PCNX3: variants seen among roughly 807,000 people sequenced by gnomAD.
PCNX3 encodes the protein pecanex-like protein 3.
PCNX3 carries 58 observed loss-of-function variants against 207.2 expected under a neutral mutation model. The ratio of observed to expected loss-of-function variants is 0.28; its 90% confidence interval spans 0.23 to 0.35. The LOEUF (loss-of-function observed/expected upper bound fraction) is 0.35. PCNX3 is among the 10% of genes least tolerant of loss of function. The probability of loss-of-function intolerance (pLI) is 1.00; values close to 1 mark genes in which losing one functional copy is unlikely to be tolerated. For missense variants in PCNX3, 2,410 were observed against 2,774.4 expected (o/e 0.87, Z 2.95); for synonymous variants, 1,337 against 1,183.5 (o/e 1.13, Z -2.66).
At chr11:65,629,073 C>A in intron 24 of PCNX3, 125 bp downstream of exon 24, 1 of 1,375,508 alleles carries the variant, frequency 7.3e-7, no homozygotes, top group Non-Finnish European at 9.8e-7. Flanking sequence ...ACAGTGGGGA[C>A]ACATGAGGCG....
intron 20 of PCNX3, chr11:65,626,313 G>C (rs1387857176): frequency 1.5e-6 from 1 of 654,170 alleles, no homozygotes; most frequent in Non-Finnish European, 2.8e-6. Flanking sequence ...GTGAGAAGAC[G>C]GAAGAATTAG....
Position 65,627,031 on chromosome 11 carries a change from G to A in PCNX3, c.3507G>A (p.Pro1169=), listed in dbSNP as rs1033670308. 9.2e-6 allele frequency: 14 copies of A among 1,524,602 alleles called. No homozygotes were observed. The South Asian group carries it at 9.8e-5, about 11-fold the overall frequency. 94.4% of individuals were successfully genotyped at this position (1,524,602 alleles called of 1,614,324 possible). A position where few individuals can be genotyped will look rare whatever the true frequency, so the allele number is the denominator to read the frequency against. ...ACGCCCACACAGTCGTCAGCCACCCGGACAAGTACTGCTTCTAGTGAGGAC... is the reference window on the plus strand; with the variant it reads ...ACGCCCACACAGTCGTCAGCCACCCAGACAAGTACTGCTTCTAGTGAGGAC... ...TVDAHTVVSH[P]DKYCFYCRAL... is the part of the protein sequence containing the mutation. The change falls in exon 21 of 35, where the codon CCG becomes CCA. Residue 1169 remains proline, a synonymous_variant. Transcript: ENST00000355703.
rs1855212288 is a variant in PCNX3 at position 65,623,370 on chromosome 11, G to A, written c.2358-121G>A. On this transcript the variant is annotated intron_variant, in intron 11 of 34. Transcript: ENST00000355703. Reference sequence around the variant, plus strand: ...GTTATAGGTGTTCACATCTTCAGAGGACAAGGGTCTGGCATGGGCACAGTC... The same window carrying A: ...GTTATAGGTGTTCACATCTTCAGAGAACAAGGGTCTGGCATGGGCACAGTC... 35 of 1,319,836 alleles carry A rather than the reference G, an allele frequency of 2.7e-5. No homozygotes were observed. In the South Asian group the frequency reaches 4.7e-4, roughly 18 times the overall value. The allele number at this position is 1,319,836 out of a possible 1,614,324, so 81.8% of individuals were successfully genotyped here. A position where few individuals can be genotyped will look rare whatever the true frequency, so the allele number is the denominator to read the frequency against.
At chr11:65,623,730 G>A in intron 12 of PCNX3, 86 bp downstream of exon 12, 1 of 1,554,518 alleles carries the variant, frequency 6.4e-7, no homozygotes, top group Admixed American at 1.9e-5. Context: ...AGGAGTATAA[G>A]CTGAAAGGTA....
Position 65,620,372 on chromosome 11 carries a change from G to A in PCNX3, c.2042G>A (p.Gly681Glu). The A allele has an allele frequency of 6.2e-7, 1 of 1,613,558 alleles. No homozygotes were observed. The highest frequency in any genetic ancestry group is 8.5e-7 in the Non-Finnish European group (1 of 1,179,822). The change falls in exon 9 of 35, where the codon GGA (glycine) becomes GAA (glutamate). Residue 681 changes from glycine to glutamate, a missense_variant. Gly to Glu is a moderately conservative substitution (Grantham distance 98). This residue lies in a region of PCNX3 where 1,104 missense variants were observed against 970.3 expected (regional missense o/e 1.14). Transcript: ENST00000355703. ...CGTTCCTACACCTTTGGCCTGGCTG[G>A]AGGCGGCTACGAGAACCCTGTAGGG... is the stretch of plus-strand genomic sequence containing the variant. The part of the protein sequence containing the change: ...VRRSYTFGLA[G>E]GGYENPVGQQ...
rs757155118 is a variant in PCNX3, at chr11:65,635,129, G to A, written c.4953+9G>A. 6.2e-7 allele frequency: 1 copy of A among 1,612,260 alleles called. No homozygotes were observed. The highest frequency in any genetic ancestry group is 8.5e-7 in the Non-Finnish European group (1 of 1,178,944). On this transcript the variant is annotated intron_variant, in intron 30 of 34. Transcript: ENST00000355703. This position sits in a 1 kb window ranked among gnomAD's most constrained non-coding sequence, Gnocchi z 9.9. The stretch of plus-strand genomic sequence containing the variant: ...CCCTCAAGCTTCACCAGGTTGGGGA[G>A]GGGTGTGCCCAGCAGCATGGGCAGG...
In PCNX3 at chr11:65,635,794, C is replaced by T; in HGVS notation, c.5450C>T (p.Thr1817Ile). 1 of 1,603,514 alleles carries T rather than the reference C, an allele frequency of 6.2e-7. No individual in the cohort carries two copies. The highest frequency in any genetic ancestry group is 1.1e-5 in the South Asian group (1 of 89,744). ...GCCATTGCCCACTGGCTCCTGCGCA[C>T]CTGGGAGAGGTGAGGCCTCGGGAAG... ...LGAIAHWLLRTWERLHKGCGA... is the reference protein window; with the variant it reads ...LGAIAHWLLRIWERLHKGCGA... The change falls in exon 32 of 35, where the codon ACC becomes ATC. Residue 1817 changes from threonine (T) to isoleucine (I), a missense_variant. By Grantham distance (89) the Thr-to-Ile change is moderately conservative (BLOSUM62 -1). Transcript: ENST00000355703. This position sits in a 1 kb window ranked among gnomAD's most constrained non-coding sequence, Gnocchi z 9.9.
intron 10 of PCNX3, 113 bp from the exon 11 acceptor site, chr11:65,622,132 G>A (rs568926530): frequency 1.4e-6 from 2 of 1,460,886 alleles, no homozygotes; most frequent in South Asian, 2.8e-5. Context: ...AACCAGACCG[G>A]TGTGCTGAAG....
intron 26 of PCNX3, 33 bp from the exon 27 acceptor site, chr11:65,630,318 A>G: frequency 6.2e-7 from 1 of 1,605,446 alleles, no homozygotes; most frequent in Non-Finnish European, 8.5e-7. Flanking sequence ...GGATTGTTCT[A>G]GCAGCCCCTG....
chr11:65,624,407 TC>T lies in PCNX3; in HGVS notation c.2716+45del, dbSNP rs369469005. ...GGATGAGGTGGCCCAGGAGAGTGAG[TC>T]CCCGAGGGTGGGCCGCGGAAAGCCA... On this transcript the variant is annotated intron_variant, in intron 14 of 34. Coordinates refer to ENST00000355703, the MANE Select transcript of PCNX3 (RefSeq NM_032223.4). 2.6e-6 allele frequency: 4 copies of T among 1,550,554 alleles called. No homozygotes were observed. In the African/African-American group the frequency reaches 4.1e-5, roughly 16 times the overall value.
Position 65,617,982 on chromosome 11 carries a change from C to T in PCNX3, c.620C>T (p.Pro207Leu). The T allele has an allele frequency of 6.2e-7, 1 of 1,608,616 alleles. No homozygotes were observed. Among genetic ancestry groups the T allele is most frequent in the Non-Finnish European group, 8.5e-7 (1 of 1,177,394 alleles). Residue 207 changes from proline (P) to leucine (L), a missense_variant, in exon 6 of 35, where the codon CCC becomes CTC. Around this residue, in one of 8 missense-constraint regions of PCNX3, gnomAD observed 1,104 missense variants for 970.3 expected, o/e 1.14. Coordinates refer to ENST00000355703, the MANE Select transcript of PCNX3 (RefSeq NM_032223.4). ...PQTPPGAVPD[P>L]SLASTDSSEP... ...ACGCCTCCAGGGGCTGTCCCAGACC[C>T]CTCTCTTGCCAGTACAGACTCTTCA...
chr11:65,634,101 C>G, intron 27 of PCNX3, 25 bp from the exon 28 acceptor site: 1 of 1,596,660 alleles, frequency 6.3e-7, no homozygotes. Flanking sequence ...GGACCCCGGC[C>G]TGACGCCTGC....
chr11:65,621,296 C>G (rs1445959699), intron 10 of PCNX3, among the ~76,000 whole-genome samples: 5 of 152,170 alleles, frequency 3.3e-5, no homozygotes, highest in Admixed American at 2.6e-4. Flanking sequence ...AGCAGGGACC[C>G]TGTGATGACT....
In PCNX3 at chr11:65,629,561, T is replaced by C; in HGVS notation, c.4042T>C (p.Leu1348=). ...CCTCAACTCCATCTTCTATGAGCACTTGACACGTTCGCTGCAGCACACACT... is the reference window on the plus strand; with the variant it reads ...CCTCAACTCCATCTTCTATGAGCACCTGACACGTTCGCTGCAGCACACACT... The part of the protein sequence containing the change: ...NNLNSIFYEH[L]TRSLQHTLCG... The change falls in exon 26 of 35, where the codon TTG becomes CTG. Residue 1348 remains leucine (L), a synonymous_variant. Coordinates refer to ENST00000355703, the MANE Select transcript of PCNX3 (RefSeq NM_032223.4). 6.2e-7 allele frequency: 1 copy of C among 1,613,698 alleles called. No individual in the cohort carries two copies. Among genetic ancestry groups the C allele is most frequent in the Non-Finnish European group, 8.5e-7 (1 of 1,179,828 alleles).
In PCNX3 at chr11:65,617,462, C is replaced by G. The variant is rs746400862; in HGVS notation, c.442-8C>G. Reference sequence around the variant, plus strand: ...TGTTTGTTCCTTCATGGCTCTCTGTCTACTCAGGAGCTGCTGCCCCGAATG... The same window carrying G: ...TGTTTGTTCCTTCATGGCTCTCTGTGTACTCAGGAGCTGCTGCCCCGAATG... On this transcript the variant is annotated splice_region_variant and splice_polypyrimidine_tract_variant and intron_variant, in intron 3 of 34. Transcript: ENST00000355703. The G allele has an allele frequency of 1.2e-6, 2 of 1,613,926 alleles. No individual in the cohort carries two copies. Among genetic ancestry groups the G allele is most frequent in the South Asian group, 2.2e-5 (2 of 91,060 alleles).
chr11:65,634,397 G>C (rs1199513175), intron 28 of PCNX3, 41 bp downstream of exon 28: 24 of 1,535,988 alleles, frequency 1.6e-5, no homozygotes, highest in Non-Finnish European at 2.1e-5. Flanking sequence ...GGGGCTGTGG[G>C]ACCTGGGCTT....
chr11:65,625,688 G>A lies in PCNX3; in HGVS notation c.3172G>A (p.Val1058Met). 1 of 1,612,678 alleles carries A rather than the reference G, an allele frequency of 6.2e-7. No individual in the cohort carries two copies. The highest frequency in any genetic ancestry group is 8.5e-7 in the Non-Finnish European group (1 of 1,179,818). Residue 1058 changes from valine (V) to methionine (M), a missense_variant, in exon 19 of 35, where the codon GTG becomes ATG. Val to Met is a conservative substitution (Grantham distance 21). Around this residue, in one of 8 missense-constraint regions of PCNX3, gnomAD observed 333 missense variants for 386.8 expected, o/e 0.86. Transcript: ENST00000355703. This position sits in a 1 kb window ranked among gnomAD's most constrained non-coding sequence, Gnocchi z 5.6. The stretch of plus-strand genomic sequence containing the variant: ...GCACTCCGACCTGGTGATGTGTGTG[G>A]TGATCGCCGTGCTCACCTTCGCCAT... ...VLHSDLVMCV[V>M]IAVLTFAISA... is the part of the protein sequence containing the mutation.
chr11:65,634,608 C>T lies in PCNX3; in HGVS notation c.4772C>T (p.Ala1591Val). 2 of 1,602,796 alleles carry T rather than the reference C, an allele frequency of 1.2e-6. No homozygotes were observed. The highest frequency in any genetic ancestry group is 1.7e-6 in the Non-Finnish European group (2 of 1,178,674). Residue 1591 changes from alanine (A) to valine (V), a missense_variant, in exon 29 of 35, where the codon GCC becomes GTC. Ala to Val is a moderately conservative substitution (Grantham distance 64). Coordinates refer to ENST00000355703, the MANE Select transcript of PCNX3 (RefSeq NM_032223.4). ...GGCCTGTGTGTGCTGGGCCGCCGGG[C>T]CCTGGGGACAGCCTCTCACAGCATG... ...CFGLCVLGRR[A>V]LGTASHSMSA...
Position 65,617,256 on chromosome 11 carries a change from C to T in PCNX3, c.348C>T (p.Pro116=), listed in dbSNP as rs12790427. The T allele has an allele frequency of 0.22, 357,254 of 1,601,038 alleles. 43,059 individuals carry two copies. Among genetic ancestry groups the T allele is most frequent in the East Asian group, 0.46 (20,275 of 44,242 alleles). The change falls in exon 3 of 35, where the codon CCC becomes CCT. Residue 116 remains proline, a synonymous_variant. Transcript: ENST00000355703. ...TGCTCTTTTTCACCGCCAGGGACCC[C>T]GGAGTGGAGATGACAGTGTTCCGGA... ...AQGDSNPPRD[P]GVEMTVFRKV...
Sources: gnomAD v4.1 joint callset for allele counts (sites outside exome capture counted in the v4.1 genomes callset) on GRCh38, gnomAD v4.1.1 for gene constraint, gnomAD v4.1.1 regional missense constraint, Gnocchi (gnomAD v3.1) non-coding constraint, MANE v1.5 for transcripts, NCBI Gene and HGNC (gene_info 2026-07-23, HGNC 2026-07-21) for gene names.